QRSL1: variants seen among roughly 807,000 people sequenced by gnomAD.
The protein encoded by QRSL1 is glutaminyl-tRNA amidotransferase subunit QRSL1, also known as glutamyl-tRNA(Gln) amidotransferase subunit A, mitochondrial.
In QRSL1, 54 loss-of-function variants were observed where a neutral mutation model predicts 61.6. The observed-to-expected ratio is 0.88, with a 90% CI of 0.70 to 1.10. The LOEUF is 1.10. Among genes scored for constraint, QRSL1 ranks in the 50% least tolerant of loss-of-function variants. QRSL1 has a pLI of 0.00. For missense variants in QRSL1, 505 were observed against 622.6 expected, an observed-to-expected ratio of 0.81 and a Z score of 2.01; for synonymous variants, 228 against 225.7, an observed-to-expected ratio of 1.01 and a Z score of -0.09.
At chr6:106,629,852 C>T in intron 1 of QRSL1, 147 bp downstream of exon 1, 1 of 973,662 alleles carries the variant, frequency 1.0e-6, no homozygotes, top group Non-Finnish European at 1.5e-6. Context: ...CCTTTCGATT[C>T]TTCGGGTGTA....
Position 106,632,907 on chromosome 6 carries a change from G to T in QRSL1, c.24+3202G>T, listed in dbSNP as rs531460752. On this transcript the variant is annotated intron_variant, in intron 1 of 10. Transcript: ENST00000369046. ...AGTTCTTCTTATCAGGCATTCATGC[G>T]TGAGAACCCTCTCTTCTTGACCTTC... is the stretch of plus-strand genomic sequence containing the variant. Among the ~76,000 whole-genome samples, 3 of 152,218 alleles carry T rather than the reference G, an allele frequency of 2.0e-5. No homozygotes were observed. In the South Asian group the frequency reaches 6.2e-4, roughly 32 times the overall value.
In QRSL1 at chr6:106,667,217, A is replaced by G. The variant is rs1777451190; in HGVS notation, c.*1215A>G. ...AGATAATTTGCTGATGAAGCAGAAG[A>G]GGGGATGCGCATGGCAAGAACTTGC... On this transcript the variant is annotated 3_prime_UTR_variant, in exon 11 of 11. Transcript: ENST00000369046. 2.6e-5 allele frequency: 4 copies of G among 152,240 alleles called. No individual in the cohort carries two copies. Among genetic ancestry groups the G allele is most frequent in the Admixed American group, 2.6e-4 (4 of 15,284 alleles). The allele number at this position is 152,240 out of a possible 1,614,324, so 9.4% of individuals were successfully genotyped here.
intron 1 of QRSL1, among the ~76,000 whole-genome samples, chr6:106,632,971 TATTTTG>T (rs1480691548): frequency 6.6e-6 from 1 of 152,228 alleles, no homozygotes; most frequent in African/African-American, 2.4e-5. Context: ...CAAGTCACTC[TATTTTG>T]ATTTTGACAA....
intron 1 of QRSL1, among the ~76,000 whole-genome samples, chr6:106,635,795 C>T (rs557943108): frequency 1.1e-3 from 170 of 151,460 alleles, no homozygotes; most frequent in African/African-American, 3.7e-3. Context: ...CGCTTGAACC[C>T]GGGAGGCCAA....
intron 3 of QRSL1, among the ~76,000 whole-genome samples, chr6:106,641,306 A>G (rs1238717042): frequency 6.6e-6 from 1 of 152,178 alleles, no homozygotes; most frequent in Non-Finnish European, 1.5e-5. Context: ...AAAACGAAAT[A>G]AAAAAACTGA....
rs1008227547 is a variant in QRSL1, at chr6:106,646,072, C to T, written c.381-2953C>T. On this transcript the variant is annotated intron_variant, in intron 4 of 10. Transcript: ENST00000369046. The stretch of plus-strand genomic sequence containing the variant: ...GTACTTTATACTTACCCTTTTATGA[C>T]ACTTGTCACATTTGTAATATTTGCT... Among the ~76,000 whole-genome samples, 6 of 152,192 alleles carry T rather than the reference C, an allele frequency of 3.9e-5. 1 individual carries two copies. The highest frequency in any genetic ancestry group is 7.2e-5 in the African/African-American group (3 of 41,444).
intron 9 of QRSL1, among the ~76,000 whole-genome samples, chr6:106,661,813 G>A (rs1777361064): frequency 1.4e-5 from 2 of 142,596 alleles, no homozygotes; most frequent in Admixed American, 7.6e-5. Flanking sequence ...CCAGGTTCAA[G>A]CAATGCTCCT....
Position 106,667,081 on chromosome 6 carries a change from T to C in QRSL1, c.*1079T>C, listed in dbSNP as rs1777449241. 6.6e-6 allele frequency: 1 copy of C among 152,204 alleles called. No individual in the cohort carries two copies. Among genetic ancestry groups the C allele is most frequent in the South Asian group, 2.1e-4 (1 of 4,828 alleles). The allele number at this position is 152,204 out of a possible 1,614,324, so 9.4% of individuals were successfully genotyped here. ...GAGCTCATTAATGTCATCGAAACAT[T>C]TATTGTAACCTAACAGACCATCACA... is the stretch of plus-strand genomic sequence containing the variant. On this transcript the variant is annotated 3_prime_UTR_variant, in exon 11 of 11. Coordinates refer to ENST00000369046, the MANE Select transcript of QRSL1 (RefSeq NM_018292.5).
At chr6:106,648,476 G>A (rs1022688979) in intron 4 of QRSL1, among the ~76,000 whole-genome samples, 2 of 152,136 alleles carry the variant, frequency 1.3e-5, no homozygotes, top group Non-Finnish European at 2.9e-5. Flanking sequence ...CATACTTTGT[G>A]TATATATGTA....
At chr6:106,642,705 A>G in intron 3 of QRSL1, 2 of 753,840 alleles carry the variant, frequency 2.7e-6, no homozygotes, top group Non-Finnish European at 4.9e-6. Context: ...ATTCTTGCCA[A>G]GAGAATGAAT....
At chr6:106,635,796 G>A (rs1052636126) in intron 1 of QRSL1, among the ~76,000 whole-genome samples, 32 of 151,852 alleles carry the variant, frequency 2.1e-4, no homozygotes, top group African/African-American at 6.0e-4. Flanking sequence ...GCTTGAACCC[G>A]GGAGGCCAAG....
chr6:106,665,688 C>A, intron 10 of QRSL1, 94 bp from the exon 11 acceptor site: 1 of 1,052,916 alleles, frequency 9.5e-7, no homozygotes, highest in Non-Finnish European at 1.5e-6. Context: ...TAAACCTTAT[C>A]CTGTATTGTA....
intron 8 of QRSL1, among the ~76,000 whole-genome samples, chr6:106,655,235 G>C (rs1308576882): frequency 1.3e-5 from 2 of 152,158 alleles, no homozygotes; most frequent in Non-Finnish European, 2.9e-5. Flanking sequence ...AACAATTGGA[G>C]TTTCTTTCTT....
rs576895649 is a variant in QRSL1, at chr6:106,632,350, C to T, written c.24+2645C>T. The stretch of plus-strand genomic sequence containing the variant: ...ATACGTAGCAGTGGGATTGCTGGAT[C>T]GTATGGTAGTTCTATTTTTATTTAT... On this transcript the variant is annotated intron_variant, in intron 1 of 10. Coordinates refer to ENST00000369046, the MANE Select transcript of QRSL1 (RefSeq NM_018292.5). Among the ~76,000 whole-genome samples the T allele has an allele frequency of 7.2e-5, 11 of 152,012 alleles. No homozygotes were observed. The South Asian group carries it at 2.1e-3, about 29-fold the overall frequency.
rs1777430677 is a variant in QRSL1 at position 106,666,161 on chromosome 6, A to C, written c.*159A>C. On this transcript the variant is annotated 3_prime_UTR_variant, in exon 11 of 11. Coordinates refer to ENST00000369046, the MANE Select transcript of QRSL1 (RefSeq NM_018292.5). ...ACCCCGTCTCTACTAAAAATACAAA[A>C]ATTAGCCAGGCTTAGTGGCGGGCAT... is the stretch of plus-strand genomic sequence containing the variant. 3 of 630,204 alleles carry C rather than the reference A, an allele frequency of 4.8e-6. No homozygotes were observed. Among genetic ancestry groups the C allele is most frequent in the East Asian group, 2.9e-5 (1 of 34,772 alleles). The allele number at this position is 630,204 out of a possible 1,614,324, so 39.0% of individuals were successfully genotyped here. A position where few individuals can be genotyped will look rare whatever the true frequency, so the allele number is the denominator to read the frequency against.
chr6:106,638,407 C>A (rs1032142279), intron 1 of QRSL1, among the ~76,000 whole-genome samples: 1 of 152,074 alleles, frequency 6.6e-6, no homozygotes, highest in African/African-American at 2.4e-5. Context: ...CGGGTTCAAG[C>A]GATTCTTCTG....
intron 1 of QRSL1, among the ~76,000 whole-genome samples, chr6:106,634,438 T>G (rs1776888832): frequency 6.6e-6 from 1 of 152,170 alleles, no homozygotes. Flanking sequence ...AGATGACTCT[T>G]AAGGGACCAT....
chr6:106,662,791 C>T (rs1192872696), intron 9 of QRSL1, among the ~76,000 whole-genome samples, 189 bp from the exon 10 acceptor site: 3 of 152,184 alleles, frequency 2.0e-5, no homozygotes, highest in Non-Finnish European at 4.4e-5. Flanking sequence ...GAAAAACACT[C>T]CTCTCTCATA....
At chr6:106,643,708 A>T (rs544083687) in intron 4 of QRSL1, among the ~76,000 whole-genome samples, 6 of 152,046 alleles carry the variant, frequency 3.9e-5, no homozygotes, top group African/African-American at 1.2e-4. Flanking sequence ...ATTCTTTCAT[A>T]TATTTTGGAT....
Sources: allele counts gnomAD v4.1 joint callset (sites outside exome capture counted in the v4.1 genomes callset), GRCh38; gene constraint gnomAD v4.1.1; transcripts MANE v1.5; gene names NCBI Gene and HGNC (gene_info 2026-07-23, HGNC 2026-07-21).